Variants in FOCAD observed in about 807,000 individuals in gnomAD.
FOCAD encodes focadhesin.
Under a neutral mutation model 225.6 loss-of-function variants are expected in FOCAD, and 198 were observed. The ratio of observed to expected loss-of-function variants is 0.88; its 90% CI spans 0.78 to 0.99. The LOEUF (loss-of-function observed/expected upper bound fraction) is 0.99. FOCAD is among the 50% of genes least tolerant of loss of function. The probability of loss-of-function intolerance (pLI) is 0.00; values close to 1 mark genes in which losing one functional copy is unlikely to be tolerated. For synonymous variants in FOCAD, 897 were observed against 755.0 expected (o/e 1.19, Z -3.08); for missense variants, 2,713 against 2,123.6 (o/e 1.28, Z -5.46).
At chr9:20,719,804 G>A (rs1466749682) in intron 3 of FOCAD, among the ~76,000 whole-genome samples, 2 of 35,500 alleles carry the variant, frequency 5.6e-5, no homozygotes, top group Non-Finnish European at 1.1e-4. Context: ...TTTTTTTTTG[G>A]TAGCCATGGA....
Position 20,770,080 on chromosome 9 carries a change from G to C in FOCAD, c.748G>C (p.Val250Leu), listed in dbSNP as rs760602881. The C allele has an allele frequency of 1.2e-6, 2 of 1,614,092 alleles. No homozygotes were observed. Among genetic ancestry groups the C allele is most frequent in the Non-Finnish European group, 1.7e-6 (2 of 1,179,966 alleles). Residue 250 changes from valine to leucine, a missense_variant, in exon 8 of 44, where the codon GTA (valine) becomes CTA (leucine). Val to Leu is a conservative substitution (Grantham distance 32, BLOSUM62 1). Transcript: ENST00000338382. ...AGAGGCGATGATGTTTATTGAGGAA[G>C]TATGTTTAAGCCTTTTGCGTCATCC... is the stretch of plus-strand genomic sequence containing the variant. ...TTEAMMFIEEVCLSLLRHPVF... is the reference protein window; with the variant it reads ...TTEAMMFIEELCLSLLRHPVF...
At chr9:20,758,978 C>G (rs1829319554) in intron 6 of FOCAD, among the ~76,000 whole-genome samples, 1 of 152,022 alleles carries the variant, frequency 6.6e-6, no homozygotes, top group Non-Finnish European at 1.5e-5. Context: ...CAATAACAGA[C>G]AAACAGAGAG....
At chr9:20,916,869 G>A (rs373307982) in intron 23 of FOCAD, 24 bp from the exon 24 acceptor site, 139 of 1,589,724 alleles carry the variant, frequency 8.7e-5, no homozygotes, top group Admixed American at 3.7e-4. Flanking sequence ...ATAAACTCTC[G>A]TCTATTTTCC....
intron 5 of FOCAD, among the ~76,000 whole-genome samples, chr9:20,743,160 T>C (rs1171980761): frequency 1.3e-5 from 2 of 152,220 alleles, no homozygotes; most frequent in African/African-American, 4.8e-5. Flanking sequence ...GTTAGCAATA[T>C]CATCCAGCCT....
chr9:20,663,364 A>G (rs1821793259), intron 2 of FOCAD, among the ~76,000 whole-genome samples: 1 of 152,174 alleles, frequency 6.6e-6, no homozygotes, highest in Non-Finnish European at 1.5e-5. Context: ...CTGAAAAAAC[A>G]AGCAAGCAAA....
At chr9:20,860,011 A>G (rs1275498980) in intron 15 of FOCAD, among the ~76,000 whole-genome samples, 1 of 152,076 alleles carries the variant, frequency 6.6e-6, no homozygotes, top group Admixed American at 6.6e-5. Flanking sequence ...TTGTAAGTAT[A>G]CCAAAAACCA....
chr9:20,909,189 A>G (rs1240874564), intron 22 of FOCAD, among the ~76,000 whole-genome samples: 7 of 152,124 alleles, frequency 4.6e-5, no homozygotes, highest in African/African-American at 7.2e-5. Context: ...TTGAGTAACT[A>G]GTGTGTGTCC....
rs551173857 is a variant in FOCAD, at chr9:20,931,319, C to T, written c.3318-1695C>T. 1.6e-3 allele frequency among the ~76,000 whole-genome samples: 240 copies of T among 152,276 alleles called. 3 individuals are homozygous for T. Among genetic ancestry groups the T allele is most frequent in the African/African-American group, 5.5e-3 (229 of 41,552 alleles). ...AGAATAACTACAGATTTTAACTTTG[C>T]CCTAACGTTCCTGTGTTTGATAGCA... On this transcript the variant is annotated intron_variant, in intron 27 of 43. Transcript: ENST00000338382.
chr9:20,814,443 C>T (rs945976313), intron 11 of FOCAD, among the ~76,000 whole-genome samples: 1 of 151,792 alleles, frequency 6.6e-6, no homozygotes, highest in African/African-American at 2.4e-5. Flanking sequence ...GGAACTTCCG[C>T]CTCCCAGGTT....
chr9:20,916,537 T>A (rs1833877111), intron 23 of FOCAD, among the ~76,000 whole-genome samples: 1 of 152,224 alleles, frequency 6.6e-6, no homozygotes, highest in Non-Finnish European at 1.5e-5. Context: ...CAATTTCAAA[T>A]GTGAATTTGG....
intron 17 of FOCAD, 32 bp from the exon 18 acceptor site, chr9:20,866,897 T>TTTTTC: frequency 1.6e-6 from 1 of 641,568 alleles, no homozygotes. Flanking sequence ...GCTTTTTTTT[T>TTTTTC]TTTTTTTTTT....
chr9:20,745,971 A>G (rs995537341), intron 5 of FOCAD, among the ~76,000 whole-genome samples: 1 of 152,172 alleles, frequency 6.6e-6, no homozygotes, highest in Admixed American at 6.5e-5. Flanking sequence ...AGTTAAGTTT[A>G]AGGACTTAAA....
intron 19 of FOCAD, among the ~76,000 whole-genome samples, chr9:20,880,864 TG>T (rs1423515884): frequency 6.6e-6 from 1 of 152,212 alleles, no homozygotes; most frequent in Non-Finnish European, 1.5e-5. Flanking sequence ...TTAGCTTTAA[TG>T]TTTTTTGTTT....
intron 2 of FOCAD, among the ~76,000 whole-genome samples, chr9:20,662,501 AG>A (rs1287145562): frequency 3.9e-5 from 6 of 152,220 alleles, no homozygotes; most frequent in Admixed American, 1.3e-4. Context: ...CTAAGCTCCC[AG>A]CCAGGGTGAC....
chr9:20,762,276 A>G (rs146362089), intron 6 of FOCAD, among the ~76,000 whole-genome samples: 114 of 152,316 alleles, frequency 7.5e-4, no homozygotes, highest in African/African-American at 2.6e-3. Context: ...TGATTCCTTC[A>G]TCTATCTTTT....
intron 2 of FOCAD, among the ~76,000 whole-genome samples, chr9:20,674,022 G>C (rs933853252): frequency 2.0e-5 from 3 of 152,186 alleles, no homozygotes; most frequent in African/African-American, 7.2e-5. Flanking sequence ...CTACCAGTTT[G>C]GATAAGAAGC....
chr9:20,824,898 A>G (rs1824708006), intron 15 of FOCAD, among the ~76,000 whole-genome samples: 2 of 152,122 alleles, frequency 1.3e-5, no homozygotes, highest in Non-Finnish European at 1.5e-5. Flanking sequence ...TGCTTACTAA[A>G]GCAAACTATT....
intron 21 of FOCAD, among the ~76,000 whole-genome samples, chr9:20,896,208 T>C (rs1310799168): frequency 6.6e-6 from 1 of 151,938 alleles, no homozygotes; most frequent in African/African-American, 2.4e-5. Context: ...TGTACCAAAA[T>C]CCATGTGGTT....
At chr9:20,796,752 C>T (rs1210213352) in intron 11 of FOCAD, among the ~76,000 whole-genome samples, 1 of 151,938 alleles carries the variant, frequency 6.6e-6, no homozygotes, top group Non-Finnish European at 1.5e-5. Context: ...AATTTTTCTC[C>T]CATTCTGTAG....
Sources: gnomAD v4.1 joint callset for allele counts (sites outside exome capture counted in the v4.1 genomes callset) on GRCh38, gnomAD v4.1.1 for gene constraint, MANE v1.5 for transcripts, NCBI Gene and HGNC (gene_info 2026-07-23, HGNC 2026-07-21) for gene names.